Variants in TMEM217 observed in about 807,000 individuals in gnomAD.
TMEM217 encodes transmembrane protein 217.
For synonymous variants in TMEM217, 76 were observed against 88.3 expected, an observed-to-expected ratio of 0.86 and a Z score of 0.78; for missense variants, 204 against 248.8, an observed-to-expected ratio of 0.82 and a Z score of 1.21.
chr6:37,218,790 A>G, exon 2 of TMEM217: 2 of 1,614,158 alleles, frequency 1.2e-6, no homozygotes, highest in Non-Finnish European at 8.5e-7. Context: ...TACAGGAGGA[A>G]GCAGCTGATG....
intron 1 of TMEM217, among the ~76,000 whole-genome samples, chr6:37,256,769 A>C (rs1229348402): frequency 5.3e-5 from 8 of 152,064 alleles, no homozygotes; most frequent in African/African-American, 1.5e-4. Flanking sequence ...GGGGACACGC[A>C]GCCCACCTCA....
In TMEM217 at chr6:37,249,130, A is replaced by G. The variant is rs140244223; in HGVS notation, c.-12+8438T>C. On this transcript the variant is annotated intron_variant, in intron 1 of 1. Coordinates refer to ENST00000357219, the Ensembl canonical transcript of TMEM217. ...ATCTCATCTCAAAATCTTTAACTTAATATCTGTTAAAGATCCTTTTTCTGA... is the reference window on the plus strand; with the variant it reads ...ATCTCATCTCAAAATCTTTAACTTAGTATCTGTTAAAGATCCTTTTTCTGA... Among the ~76,000 whole-genome samples the G allele has an allele frequency of 1.2e-4, 18 of 152,312 alleles. No individual in the cohort carries two copies. The East Asian group carries it at 3.3e-3, about 28-fold the overall frequency.
intron 1 of TMEM217, among the ~76,000 whole-genome samples, chr6:37,232,813 T>G (rs557407747): frequency 1.2e-4 from 18 of 152,314 alleles, no homozygotes; most frequent in African/African-American, 4.1e-4. Context: ...TTCAAACACC[T>G]TCTCTTGACT....
chr6:37,218,905 G>T lies in TMEM217; in HGVS notation c.126C>A (p.Cys42Ter), dbSNP rs1763372334. The change falls in exon 2 of 2, where the codon TGC becomes TGA. Residue 42 changes from cysteine (C) to a stop codon, truncating the protein, a stop_gained. Transcript: ENST00000357219. LOFTEE classifies it low-confidence loss of function (END_TRUNC). ...CCCTGTACTTTGGTGTGATCTCAGT[G>T]CAACTGCCATTCCCTAGGTGCTTCT... 1.2e-6 allele frequency: 2 copies of T among 1,613,942 alleles called. No individual in the cohort carries two copies. Among genetic ancestry groups the T allele is most frequent in the African/African-American group, 2.7e-5 (2 of 74,866 alleles).
chr6:37,246,962 A>T (rs1352291266), intron 1 of TMEM217, among the ~76,000 whole-genome samples: 1 of 151,860 alleles, frequency 6.6e-6, no homozygotes, highest in East Asian at 1.9e-4. Context: ...GTCCCGCAGT[A>T]CCTATCAGGC....
chr6:37,239,892 A>T lies in TMEM217; in HGVS notation c.-12+17676T>A, dbSNP rs77545398. The stretch of plus-strand genomic sequence containing the variant: ...CAACATGGTGAGACCCCAGCTCATT[A>T]AAAAAAAAAAAAAAGAAGAATGCAT... On this transcript the variant is annotated intron_variant, in intron 1 of 1. Transcript: ENST00000357219. Among the ~76,000 whole-genome samples the T allele has an allele frequency of 3.8e-3, 468 of 122,006 alleles. 3 individuals carry two copies. The highest frequency in any genetic ancestry group is 4.3e-3 in the Middle Eastern group (1 of 234). 80.0% of individuals were successfully genotyped at this position (122,006 alleles called of 152,430 possible). A position where few individuals can be genotyped will look rare whatever the true frequency, so the allele number is the denominator to read the frequency against.
chr6:37,240,977 G>T (rs1337350876), intron 1 of TMEM217, among the ~76,000 whole-genome samples: 1 of 151,866 alleles, frequency 6.6e-6, no homozygotes. Context: ...CATTTATGAA[G>T]TATTTGTTAA....
exon 2 of TMEM217, chr6:37,218,161 G>C: frequency 8.6e-7 from 1 of 1,167,720 alleles, no homozygotes. Context: ...GGTGGATAAA[G>C]CTGCTAACTT....
chr6:37,217,030 A>G (rs1481315819), downstream of TMEM217, among the ~76,000 whole-genome samples: 1 of 152,224 alleles, frequency 6.6e-6, no homozygotes. Flanking sequence ...TGGGTGACTC[A>G]CACCTGTACT....
intron 1 of TMEM217, among the ~76,000 whole-genome samples, chr6:37,235,598 C>T (rs2113869914): frequency 1.2e-5 from 1 of 82,126 alleles, no homozygotes; most frequent in Admixed American, 1.6e-4. Context: ...GATCTCCTGA[C>T]CTTGTGATCC....
intron 1 of TMEM217, among the ~76,000 whole-genome samples, chr6:37,241,715 G>T (rs942033966): frequency 2.0e-5 from 3 of 152,072 alleles, no homozygotes; most frequent in Admixed American, 2.0e-4. Context: ...AATTTAATTA[G>T]ATTTTTAAAA....
At chr6:37,248,749 T>C (rs1417048238) in intron 1 of TMEM217, among the ~76,000 whole-genome samples, 3 of 152,172 alleles carry the variant, frequency 2.0e-5, no homozygotes, top group Admixed American at 1.3e-4. Context: ...TAGGTGGCAA[T>C]GGGCAAAAAG....
At chr6:37,218,169 C>CTTT (rs11404339) in exon 2 of TMEM217, 563 of 1,012,042 alleles carry the variant, frequency 5.6e-4, no homozygotes, top group East Asian at 1.2e-3. Context: ...AAGCTGCTAA[C>CTTT]TTTTTTTTTT....
chr6:37,212,512 G>C, exon 4 of TMEM217: 1 of 457,376 alleles, frequency 2.2e-6, no homozygotes, highest in South Asian at 1.5e-5. Flanking sequence ...CCTGCCCACA[G>C]TCTGGGATTC....
At chr6:37,218,133 A>C in exon 2 of TMEM217, 2 of 1,084,604 alleles carry the variant, frequency 1.8e-6, no homozygotes, top group Non-Finnish European at 2.2e-6. Context: ...GAAAAGGGCC[A>C]ACATGATTGC....
At chr6:37,226,755 G>T (rs1319757781) in intron 1 of TMEM217, among the ~76,000 whole-genome samples, 1 of 145,432 alleles carries the variant, frequency 6.9e-6, no homozygotes, top group Non-Finnish European at 1.5e-5. Context: ...GTAGAGAGGG[G>T]TTTCACCATG....
chr6:37,235,728 C>G (rs1416493507), intron 1 of TMEM217, among the ~76,000 whole-genome samples: 2 of 152,190 alleles, frequency 1.3e-5, no homozygotes, highest in Admixed American at 1.3e-4. Context: ...GCATTAGTGT[C>G]TGGTGAGGAC....
chr6:37,257,365 G>T (rs11970265), intron 1 of TMEM217, among the ~76,000 whole-genome samples: 1 of 152,298 alleles, frequency 6.6e-6, no homozygotes, highest in South Asian at 2.1e-4. Context: ...ATGAGGAAAG[G>T]AGGGTAATAA....
Position 37,223,665 on chromosome 6 carries a change from T to C in TMEM217, c.-11-4624A>G, listed in dbSNP as rs540914101. Among the ~76,000 whole-genome samples, 13 of 152,174 alleles carry C rather than the reference T, an allele frequency of 8.5e-5. No individual in the cohort carries two copies. The South Asian group carries it at 2.1e-3, about 24-fold the overall frequency. ...CTGGGATTACAAGCGTGTGCCACCA[T>C]GCCCAGCTAATTTTTGCATTTTTAG... On this transcript the variant is annotated intron_variant, in intron 1 of 1. Transcript: ENST00000357219.
Sources: allele counts gnomAD v4.1 joint callset (sites outside exome capture counted in the v4.1 genomes callset), GRCh38; gene constraint gnomAD v4.1.1; transcripts MANE v1.5; gene names NCBI Gene and HGNC (gene_info 2026-07-23, HGNC 2026-07-21).